Variants in KMO observed in about 807,000 individuals in gnomAD.
KMO encodes the protein kynurenine 3-hydroxylase.
In KMO, 24 loss-of-function variants were observed where a neutral mutation model predicts 57.8. The observed-to-expected ratio is 0.42, with a 90% CI of 0.30 to 0.58. KMO has a LOEUF of 0.58. Ranked by LOEUF, KMO falls within the 20% of genes least tolerant of loss-of-function variation. KMO has a pLI of 0.22. For missense variants in KMO, 483 were observed against 588.2 expected (o/e 0.82, Z 1.85); for synonymous variants, 210 against 193.6 (o/e 1.08, Z -0.70).
At chr1:241,536,558 A>C (rs1343617434) in intron 1 of KMO, 13 of 972,684 alleles carry the variant, frequency 1.3e-5, no homozygotes, top group Non-Finnish European at 1.6e-5. Context: ...TGAAGCCAAG[A>C]GCCTTGGTAA....
chr1:241,542,983 T>C (rs1303291828), intron 1 of KMO, among the ~76,000 whole-genome samples: 1 of 152,210 alleles, frequency 6.6e-6, no homozygotes, highest in Non-Finnish European at 1.5e-5. Context: ...TAACACCTAC[T>C]ATTGTATTTT....
chr1:241,559,931 A>T (rs2147958800), intron 5 of KMO, among the ~76,000 whole-genome samples: 1 of 152,206 alleles, frequency 6.6e-6, no homozygotes, highest in East Asian at 1.9e-4. Context: ...TCCAGCTCTA[A>T]CACCTGTATT....
chr1:241,595,526 A>G lies in KMO; in HGVS notation c.*3373A>G, dbSNP rs1397948735. ...TAGTAGTCGGTCCATCATGACCAGT[A>G]AAACATAAATCAAAAGTTAATGTAA... is the stretch of plus-strand genomic sequence containing the variant. On this transcript the variant is annotated 3_prime_UTR_variant, in exon 15 of 15. Transcript: ENST00000366559. The G allele has an allele frequency of 2.0e-5, 3 of 152,222 alleles. No homozygotes were observed. Among genetic ancestry groups the G allele is most frequent in the Non-Finnish European group, 4.4e-5 (3 of 68,034 alleles). 9.4% of individuals were successfully genotyped at this position (152,222 alleles called of 1,614,324 possible).
At chr1:241,571,122 G>T (rs905534582) in intron 10 of KMO, among the ~76,000 whole-genome samples, 6 of 151,936 alleles carry the variant, frequency 3.9e-5, no homozygotes, top group Admixed American at 6.6e-5. Flanking sequence ...TTTGTATGTT[G>T]ATTTTGTATC....
At chr1:241,537,381 T>A (rs1482534108) in intron 1 of KMO, among the ~76,000 whole-genome samples, 2 of 152,224 alleles carry the variant, frequency 1.3e-5, no homozygotes, top group Non-Finnish European at 2.9e-5. Flanking sequence ...CTACACAGAA[T>A]TTGATTCAAG....
Position 241,592,043 on chromosome 1 carries a change from C to T in KMO, c.1351C>T (p.Leu451Phe). 6.2e-7 allele frequency: 1 copy of T among 1,613,954 alleles called. No individual in the cohort carries two copies. Among genetic ancestry groups the T allele is most frequent in the Non-Finnish European group, 8.5e-7 (1 of 1,179,924 alleles). ...ACACTACATGTCACCACGATCTTTC[C>T]TCCGCTTGAGAAGACCATGGAACTG... ...LIHYMSPRSF[L>F]RLRRPWNWIA... The change falls in exon 15 of 15, where the codon CTC (leucine) becomes TTC (phenylalanine). Residue 451 changes from leucine to phenylalanine, a missense_variant. Physicochemically the swap from Leu to Phe is conservative, Grantham distance 22. This residue lies in a region of KMO where 410 missense variants were observed against 492.3 expected (regional missense o/e 0.83). Coordinates refer to ENST00000366559, the MANE Select transcript of KMO (RefSeq NM_003679.5).
intron 1 of KMO, among the ~76,000 whole-genome samples, chr1:241,538,875 AGT>A (rs1340198217): frequency 6.6e-6 from 1 of 152,140 alleles, no homozygotes; most frequent in African/African-American, 2.4e-5. Flanking sequence ...GCCTACAAAG[AGT>A]GTGTCTTTCA....
Position 241,568,655 on chromosome 1 carries a change from C to A in KMO, c.957+8C>A. The A allele has an allele frequency of 6.2e-7, 1 of 1,612,430 alleles. No homozygotes were observed. Among genetic ancestry groups the A allele is most frequent in the Admixed American group, 1.7e-5 (1 of 59,844 alleles). On this transcript the variant is annotated splice_region_variant and intron_variant, in intron 10 of 14. Transcript: ENST00000366559. ...GGGCAAGGAATGAATGCGGTAAGTTCTTTTTCCCTAGGTAAGTCCCTCAAA... is the reference window on the plus strand; with the variant it reads ...GGGCAAGGAATGAATGCGGTAAGTTATTTTTCCCTAGGTAAGTCCCTCAAA...
chr1:241,562,343 G>T lies in KMO; in HGVS notation c.615+11G>T. 2 of 1,613,392 alleles carry T rather than the reference G, an allele frequency of 1.2e-6. No homozygotes were observed. The highest frequency in any genetic ancestry group is 1.7e-4 in the Middle Eastern group (1 of 6,056). ...CCTAAGAACGGAGATGTAAGTCCTTGCCCTTTTTCAACCCCTTCCCACAAC... is the reference window on the plus strand; with the variant it reads ...CCTAAGAACGGAGATGTAAGTCCTTTCCCTTTTTCAACCCCTTCCCACAAC... On this transcript the variant is annotated intron_variant, in intron 7 of 14. Transcript: ENST00000366559.
chr1:241,536,533 A>G, intron 1 of KMO: 1 of 985,630 alleles, frequency 1.0e-6, no homozygotes, highest in South Asian at 4.7e-5. Flanking sequence ...GCTACTCAAG[A>G]CACCATTTTT....
intron 7 of KMO, among the ~76,000 whole-genome samples, chr1:241,562,796 G>A (rs1326113775): frequency 1.3e-5 from 2 of 151,938 alleles, no homozygotes; most frequent in African/African-American, 2.4e-5. Context: ...CCGAGATCAT[G>A]CCAATGCACT....
At chr1:241,560,096 A>C (rs1325852286) in intron 5 of KMO, among the ~76,000 whole-genome samples, 1 of 152,234 alleles carries the variant, frequency 6.6e-6, no homozygotes, top group Non-Finnish European at 1.5e-5. Flanking sequence ...GCTAGCAGGC[A>C]AAACAGAAAA....
chr1:241,595,232 A>T lies in KMO; in HGVS notation c.*3079A>T, dbSNP rs1663468608. 1 of 152,350 alleles carries T rather than the reference A, an allele frequency of 6.6e-6. No individual in the cohort carries two copies. The highest frequency in any genetic ancestry group is 1.5e-5 in the Non-Finnish European group (1 of 68,180). The allele number at this position is 152,350 out of a possible 1,614,324, so 9.4% of individuals were successfully genotyped here. On this transcript the variant is annotated 3_prime_UTR_variant, in exon 15 of 15. Transcript: ENST00000366559. ...GACAGCACTAATGTCATCAACAAAC[A>T]TTGTTCTTCTCCGTGTCCTGGGTAC...
rs149872365 is a variant in KMO, at chr1:241,592,137, A to G, written c.1445A>G (p.Asn482Ser). 3,547 of 1,613,678 alleles carry G rather than the reference A, an allele frequency of 2.2e-3. 6 individuals are homozygous for G. The highest frequency in any genetic ancestry group is 2.7e-3 in the Non-Finnish European group (3,219 of 1,179,810). Residue 482 changes from asparagine to serine, a missense_variant, in exon 15 of 15, where the codon AAT (asparagine) becomes AGT (serine). By Grantham distance (46) the Asn-to-Ser change is conservative. Around this residue, in one of 3 missense-constraint regions of KMO, gnomAD observed 410 missense variants for 492.3 expected, o/e 0.83. Coordinates refer to ENST00000366559, the MANE Select transcript of KMO (RefSeq NM_003679.5). ...KAVDSLEQIS[N>S]LISR ...GTGGACTCCCTAGAACAAATTTCCA[A>G]TCTCATTAGCAGGTGATAGAAAGGT...
chr1:241,589,925 T>C (rs955516129), intron 12 of KMO, 87 bp from the exon 13 acceptor site: 3 of 1,018,230 alleles, frequency 2.9e-6, no homozygotes, highest in African/African-American at 3.2e-5. Context: ...GGCATTGCGA[T>C]GAGTGGGAAT....
intron 4 of KMO, among the ~76,000 whole-genome samples, chr1:241,553,303 G>A (rs1245296604): frequency 6.6e-6 from 1 of 152,164 alleles, no homozygotes; most frequent in Admixed American, 6.5e-5. Context: ...GACTAGAAAG[G>A]GACATTCTGG....
Position 241,560,384 on chromosome 1 carries a change from A to G in KMO, c.362-281A>G, listed in dbSNP as rs150649139. On this transcript the variant is annotated intron_variant, in intron 5 of 14. Transcript: ENST00000366559. ...ATGCTTGCTTCTTTCCCAGGGTGCT[A>G]ATAATTACAGCAATGCAAGAGTTTG... Among the ~76,000 whole-genome samples the G allele has an allele frequency of 9.7e-4, 148 of 152,350 alleles. 3 individuals are homozygous for G. The East Asian group carries it at 0.027, about 28-fold the overall frequency.
intron 8 of KMO, among the ~76,000 whole-genome samples, chr1:241,565,390 T>C (rs1662034805): frequency 6.6e-6 from 1 of 152,044 alleles, no homozygotes; most frequent in African/African-American, 2.4e-5. Flanking sequence ...TGATTCAGCC[T>C]TTAAGGTCTG....
At chr1:241,577,282 T>C (rs1316466124) in intron 10 of KMO, among the ~76,000 whole-genome samples, 2 of 151,998 alleles carry the variant, frequency 1.3e-5, no homozygotes, top group Non-Finnish European at 2.9e-5. Flanking sequence ...GCCAGTGTGA[T>C]CTTTTGGGGT....
Sources: allele counts gnomAD v4.1 joint callset (sites outside exome capture counted in the v4.1 genomes callset), GRCh38; gene constraint gnomAD v4.1.1; regional missense constraint gnomAD v4.1.1; transcripts MANE v1.5; gene names NCBI Gene and HGNC (gene_info 2026-07-23, HGNC 2026-07-21).